SPIDR: variants seen among roughly 807,000 people sequenced by gnomAD.
SPIDR encodes scaffold protein involved in DNA repair.
Under a neutral mutation model 104.6 loss-of-function variants are expected in SPIDR, and 93 were observed. The observed-to-expected ratio is 0.89, with a 90% CI of 0.75 to 1.06. The LOEUF (loss-of-function observed/expected upper bound fraction) is 1.06. Ranked by LOEUF, SPIDR falls within the 50% of genes least tolerant of loss-of-function variation. The probability of loss-of-function intolerance (pLI) is 0.00; values close to 1 mark genes in which losing one functional copy is unlikely to be tolerated. For synonymous variants in SPIDR, 431 were observed against 416.9 expected, an observed-to-expected ratio of 1.03 and a Z score of -0.41; for missense variants, 1,154 against 1,111.2, an observed-to-expected ratio of 1.04 and a Z score of -0.55.
chr8:47,702,079 TCTCTCTCTCTCTCTCTCTTA>T (rs753291522), intron 14 of SPIDR, 64 bp downstream of exon 14: 7,274 of 496,622 alleles, frequency 0.015, 256 homozygotes, highest in Middle Eastern at 0.027. Flanking sequence ...TCTCTCTCTC[TCTCTCTCTCTCTCTCTCTTA>T]CACACACACA....
intron 10 of SPIDR, among the ~76,000 whole-genome samples, chr8:47,620,226 A>C (rs886093032): frequency 1.3e-5 from 2 of 150,878 alleles, no homozygotes; most frequent in Non-Finnish European, 2.9e-5. Flanking sequence ...GTAACATGGG[A>C]TCATTTGGTT....
intron 8 of SPIDR, among the ~76,000 whole-genome samples, chr8:47,444,229 ATTTAC>A (rs1389765142): frequency 2.0e-5 from 3 of 152,160 alleles, no homozygotes; most frequent in African/African-American, 4.8e-5. Context: ...AAATGAAGGA[ATTTAC>A]TTTAATGATA....
intron 8 of SPIDR, among the ~76,000 whole-genome samples, chr8:47,498,077 C>T (rs1023894347): frequency 1.3e-5 from 2 of 152,146 alleles, no homozygotes; most frequent in African/African-American, 4.8e-5. Flanking sequence ...AACATCAATA[C>T]AAACATAATG....
chr8:47,307,122 C>T (rs2043215435), intron 5 of SPIDR, among the ~76,000 whole-genome samples: 1 of 151,992 alleles, frequency 6.6e-6, no homozygotes, highest in African/African-American at 2.4e-5. Flanking sequence ...TTGTTGTTTA[C>T]ATAACTTACT....
chr8:47,291,964 A>C (rs950812371), intron 4 of SPIDR, among the ~76,000 whole-genome samples: 1 of 152,110 alleles, frequency 6.6e-6, no homozygotes, highest in African/African-American at 2.4e-5. Context: ...ACACCTTCCT[A>C]TGCCTGTAGG....
chr8:47,654,505 T>C (rs899491020), intron 10 of SPIDR, among the ~76,000 whole-genome samples: 4 of 152,164 alleles, frequency 2.6e-5, no homozygotes, highest in African/African-American at 9.7e-5. Flanking sequence ...GAAAGAGAGA[T>C]ACTGGCCAGT....
intron 16 of SPIDR, among the ~76,000 whole-genome samples, chr8:47,719,191 G>C (rs1354713355): frequency 6.6e-6 from 1 of 152,118 alleles, no homozygotes; most frequent in Non-Finnish European, 1.5e-5. Context: ...AAGCAGCCCT[G>C]CCATCCTAAG....
intron 11 of SPIDR, among the ~76,000 whole-genome samples, chr8:47,685,517 A>ATTTTTTTTTTTTTTTTTTT (rs370526185): frequency 7.7e-6 from 1 of 130,098 alleles, no homozygotes; most frequent in Non-Finnish European, 1.7e-5. Context: ...TTATTTATTT[A>ATTTTTTTTTTTTTTTTTTT]TTTTTTTGAG....
chr8:47,300,936 G>A (rs1317782938), intron 5 of SPIDR, among the ~76,000 whole-genome samples: 2 of 152,184 alleles, frequency 1.3e-5, no homozygotes, highest in Admixed American at 6.5e-5. Flanking sequence ...GATTGGGGGT[G>A]GAGAGTTCTG....
At chr8:47,354,599 A>G (rs1466103691) in intron 5 of SPIDR, among the ~76,000 whole-genome samples, 2 of 152,038 alleles carry the variant, frequency 1.3e-5, no homozygotes, top group Non-Finnish European at 2.9e-5. Flanking sequence ...AAGGTAATAA[A>G]TTTATGTTTA....
At chr8:47,452,941 A>G (rs2072128860) in intron 8 of SPIDR, among the ~76,000 whole-genome samples, 1 of 152,188 alleles carries the variant, frequency 6.6e-6, no homozygotes, top group South Asian at 2.1e-4. Context: ...TGTAGATGAC[A>G]TGAATATATA....
Position 47,735,426 on chromosome 8 carries a change from A to G in SPIDR, c.2724A>G (p.Ala908=). The change falls in exon 20 of 20, where the codon GCA becomes GCG. Residue 908 remains alanine, a synonymous_variant. Transcript: ENST00000297423. Reference sequence around the variant, plus strand: ...TGGAGGAAATCGAGCTTCTGAGTGCAGGAGGGGCCTCTGCAGAACACTAGC... The same window carrying G: ...TGGAGGAAATCGAGCTTCTGAGTGCGGGAGGGGCCTCTGCAGAACACTAGC... The part of the protein sequence containing the change: ...IGLEEIELLS[A]GGASAEH 2.5e-6 allele frequency: 4 copies of G among 1,614,182 alleles called. No individual in the cohort carries two copies. Among genetic ancestry groups the G allele is most frequent in the South Asian group, 1.1e-5 (1 of 91,088 alleles).
At chr8:47,660,344 A>G (rs117459415) in intron 10 of SPIDR, 14,672 of 583,526 alleles carry the variant, frequency 0.025, 220 homozygotes, top group Non-Finnish European at 0.029. Flanking sequence ...CAACGTGAAC[A>G]GGGAACCTCT....
chr8:47,616,098 A>G (rs1007861967), intron 10 of SPIDR, among the ~76,000 whole-genome samples: 9 of 152,236 alleles, frequency 5.9e-5, no homozygotes, highest in Non-Finnish European at 7.3e-5. Flanking sequence ...TTTTCTACAT[A>G]AAAGATTGTC....
chr8:47,505,510 C>A (rs1415084967), intron 8 of SPIDR, among the ~76,000 whole-genome samples: 1 of 152,156 alleles, frequency 6.6e-6, no homozygotes, highest in Non-Finnish European at 1.5e-5. Context: ...GTGGGAGTGA[C>A]CCAATTTTCC....
At chr8:47,733,708 A>G (rs2085662702) in intron 19 of SPIDR, among the ~76,000 whole-genome samples, 1 of 151,938 alleles carries the variant, frequency 6.6e-6, no homozygotes, top group Non-Finnish European at 1.5e-5. Flanking sequence ...CCATCTCTTC[A>G]GTGACGGGCC....
At chr8:47,276,063 G>A (rs1311496959) in intron 1 of SPIDR, among the ~76,000 whole-genome samples, 3 of 152,140 alleles carry the variant, frequency 2.0e-5, no homozygotes, top group African/African-American at 4.8e-5. Flanking sequence ...GTTTTGCCAT[G>A]TTCCCCAGGC....
At chr8:47,643,267 G>A (rs755222731) in intron 10 of SPIDR, among the ~76,000 whole-genome samples, 8 of 151,950 alleles carry the variant, frequency 5.3e-5, no homozygotes, top group African/African-American at 7.3e-5. Flanking sequence ...ATGACTAATA[G>A]GTATAACTCT....
intron 5 of SPIDR, among the ~76,000 whole-genome samples, chr8:47,345,152 A>T (rs1160684875): frequency 2.0e-5 from 3 of 152,210 alleles, no homozygotes; most frequent in African/African-American, 7.2e-5. Context: ...AGGTGTAAGG[A>T]AGGGATCCAG....
Sources: allele counts gnomAD v4.1 joint callset (sites outside exome capture counted in the v4.1 genomes callset), GRCh38; gene constraint gnomAD v4.1.1; transcripts MANE v1.5; gene names NCBI Gene and HGNC (gene_info 2026-07-23, HGNC 2026-07-21).